Variants in BBS9 observed in about 807,000 individuals in gnomAD.
The protein encoded by BBS9 is protein PTHB1.
A neutral mutation model predicts 117.7 loss-of-function variants in BBS9; 89 were observed. The ratio of observed to expected loss-of-function variants is 0.76; its 90% CI spans 0.64 to 0.90. The LOEUF (loss-of-function observed/expected upper bound fraction) is 0.90, where lower values mean the gene tolerates loss of function less well. Among genes scored for constraint, BBS9 ranks in the 40% least tolerant of loss-of-function variants. The pLI, the probability that BBS9 is intolerant of heterozygous loss-of-function variation, is 0.00. For missense variants in BBS9, 982 were observed against 1,042.2 expected, an observed-to-expected ratio of 0.94 and a Z score of 0.80; for synonymous variants, 379 against 370.9, an observed-to-expected ratio of 1.02 and a Z score of -0.25.
chr7:33,281,362 A>G (rs1453408943), intron 9 of BBS9, among the ~76,000 whole-genome samples: 5 of 114,664 alleles, frequency 4.4e-5, no homozygotes, highest in African/African-American at 1.3e-4. Context: ...GCTGTGGTCT[A>G]TGCCTTTTTT....
chr7:33,247,140 A>AT (rs975138627), intron 5 of BBS9, among the ~76,000 whole-genome samples: 2 of 151,924 alleles, frequency 1.3e-5, no homozygotes, highest in East Asian at 1.9e-4. Flanking sequence ...CTCTGAAAGA[A>AT]TTTTTTCCCT....
chr7:33,527,430 G>T (rs1281005529), intron 20 of BBS9, among the ~76,000 whole-genome samples: 17 of 152,210 alleles, frequency 1.1e-4, no homozygotes, highest in Admixed American at 1.1e-3. Flanking sequence ...TCCGAGCCAG[G>T]TGTGGGATAT....
At chr7:33,623,281 GAAAAA>G in intron 21 of BBS9, among the ~76,000 whole-genome samples, 1 of 145,806 alleles carries the variant, frequency 6.9e-6, no homozygotes, top group East Asian at 2.0e-4. Flanking sequence ...GCTAAAATTG[GAAAAA>G]AAAAACCTAA....
chr7:33,236,558 T>C (rs1233914311), intron 5 of BBS9, among the ~76,000 whole-genome samples: 1 of 151,956 alleles, frequency 6.6e-6, no homozygotes, highest in Non-Finnish European at 1.5e-5. Context: ...TATATAAATC[T>C]ACCTCATCAT....
chr7:33,278,014 T>A (rs1801081037), intron 9 of BBS9, among the ~76,000 whole-genome samples: 1 of 152,152 alleles, frequency 6.6e-6, no homozygotes, highest in South Asian at 2.1e-4. Context: ...AAGGGCTATT[T>A]TTACTTAAAC....
At position 33,406,243 on chromosome 7, in the gene BBS9, G is replaced by A. The variant is rs958270110; in HGVS notation, c.2115+18099G>A. On this transcript the variant is annotated intron_variant, in intron 19 of 22. Coordinates refer to ENST00000242067, the MANE Select transcript of BBS9 (RefSeq NM_198428.3). Reference sequence around the variant, plus strand: ...AATTTCTGTTCTTTTACATTTGCTGGGGAGAGCTTTACTTCCAAGTATGTG... The same window carrying A: ...AATTTCTGTTCTTTTACATTTGCTGAGGAGAGCTTTACTTCCAAGTATGTG... Among the ~76,000 whole-genome samples, 54 of 152,132 alleles carry A rather than the reference G, an allele frequency of 3.5e-4. 1 individual carries two copies. The South Asian group carries it at 0.011, about 30-fold the overall frequency.
intron 9 of BBS9, among the ~76,000 whole-genome samples, chr7:33,281,224 T>G (rs1296318518): frequency 6.6e-6 from 1 of 151,386 alleles, no homozygotes; most frequent in Admixed American, 6.6e-5. Context: ...CTGATAGCTG[T>G]TTTTTTTGGT....
chr7:33,301,469 G>A (rs28789535), intron 9 of BBS9, among the ~76,000 whole-genome samples: 46,664 of 151,736 alleles, frequency 0.31, 7,624 homozygotes, highest in Admixed American at 0.43. Context: ...CTCTCCATGC[G>A]TTCAATTATT....
chr7:33,514,876 A>G (rs1473987801), intron 20 of BBS9, among the ~76,000 whole-genome samples: 1 of 150,676 alleles, frequency 6.6e-6, no homozygotes, highest in Non-Finnish European at 1.5e-5. Context: ...AAATGCTGTA[A>G]AAACTGCATT....
At chr7:33,223,798 A>G (rs955829186) in intron 5 of BBS9, among the ~76,000 whole-genome samples, 24 of 152,168 alleles carry the variant, frequency 1.6e-4, no homozygotes, top group African/African-American at 5.8e-4. Flanking sequence ...CTAAAAGCTC[A>G]AGGGGCTATT....
chr7:33,264,471 T>G, intron 7 of BBS9, 97 bp downstream of exon 7: 1 of 746,764 alleles, frequency 1.3e-6, no homozygotes, highest in Non-Finnish European at 2.2e-6. Flanking sequence ...TGTAAAAAAA[T>G]ATGTCAGCCA....
At chr7:33,390,591 G>A (rs1826888694) in intron 19 of BBS9, 1 of 970,942 alleles carries the variant, frequency 1.0e-6, no homozygotes, top group Non-Finnish European at 1.2e-6. Flanking sequence ...TAATAAATGA[G>A]GGTGAGGTGT....
chr7:33,426,954 C>A (rs543573529), intron 19 of BBS9, among the ~76,000 whole-genome samples: 2 of 152,264 alleles, frequency 1.3e-5, no homozygotes, highest in African/African-American at 4.8e-5. Context: ...CCCTGCAGAG[C>A]AGAGGGTAGG....
intron 9 of BBS9, among the ~76,000 whole-genome samples, chr7:33,276,673 C>G (rs556316345): frequency 2.9e-4 from 44 of 152,328 alleles, no homozygotes; most frequent in African/African-American, 1.0e-3. Context: ...ACAGCATAAA[C>G]TAGCAAGAGC....
At chr7:33,161,228 G>T (rs1018573228) in intron 4 of BBS9, among the ~76,000 whole-genome samples, 2 of 151,898 alleles carry the variant, frequency 1.3e-5, no homozygotes, top group African/African-American at 4.8e-5. Flanking sequence ...CCATTAACTC[G>T]TCATTTACAT....
chr7:33,321,368 G>T (rs1357567571), intron 9 of BBS9, among the ~76,000 whole-genome samples: 7 of 152,042 alleles, frequency 4.6e-5, no homozygotes. Flanking sequence ...CATGAACATG[G>T]AATATCTTTC....
rs117286846 is a variant in BBS9, at chr7:33,366,240, G to A, written c.1694-1527G>A. ...TGTCTTCTGTGAAGCAGGCTGCTGGGAACCATGGAAGTTCCCACTCCACGG... is the reference window on the plus strand; with the variant it reads ...TGTCTTCTGTGAAGCAGGCTGCTGGAAACCATGGAAGTTCCCACTCCACGG... On this transcript the variant is annotated intron_variant, in intron 16 of 22. Coordinates refer to ENST00000242067, the MANE Select transcript of BBS9 (RefSeq NM_198428.3). Among the ~76,000 whole-genome samples, 576 of 152,244 alleles carry A rather than the reference G, an allele frequency of 3.8e-3. 1 individual carries two copies. Among genetic ancestry groups the A allele is most frequent in the Admixed American group, 8.6e-3 (132 of 15,292 alleles).
chr7:33,576,594 G>A (rs1858922825), intron 21 of BBS9, among the ~76,000 whole-genome samples: 1 of 152,128 alleles, frequency 6.6e-6, no homozygotes, highest in African/African-American at 2.4e-5. Context: ...AGCCCGCTTT[G>A]CCAAGACAAT....
At position 33,338,774 on chromosome 7, in the gene BBS9, G is replaced by A. The variant is rs75479550; in HGVS notation, c.1199-2123G>A. ...ATCCTGCCTAGTATTTTTGTTACCA[G>A]TAGTCAACAACATCTACTCGTAGGA... On this transcript the variant is annotated intron_variant, in intron 10 of 22. Coordinates refer to ENST00000242067, the MANE Select transcript of BBS9 (RefSeq NM_198428.3). 5.9e-4 allele frequency among the ~76,000 whole-genome samples: 90 copies of A among 152,252 alleles called. 1 individual carries two copies. In the East Asian group the frequency reaches 6.4e-3, roughly 11 times the overall value.
Sources: gnomAD v4.1 joint callset for allele counts (sites outside exome capture counted in the v4.1 genomes callset) on GRCh38, gnomAD v4.1.1 for gene constraint, MANE v1.5 for transcripts, NCBI Gene and HGNC (gene_info 2026-07-23, HGNC 2026-07-21) for gene names.